Variants in TASP1 observed in about 807,000 individuals in gnomAD.
The protein encoded by TASP1 is threonine aspartase 1.
TASP1 carries 16 observed loss-of-function variants against 56.6 expected under a neutral mutation model. The observed-to-expected ratio is 0.28, with a 90% confidence interval of 0.19 to 0.43. The LOEUF (loss-of-function observed/expected upper bound fraction) is 0.43, where lower values mean the gene tolerates loss of function less well. Ranked by LOEUF, TASP1 falls within the 20% of genes least tolerant of loss-of-function variation. The pLI, the probability that TASP1 is intolerant of heterozygous loss-of-function variation, is 1.00. For missense variants in TASP1, 393 were observed against 511.6 expected, an observed-to-expected ratio of 0.77 and a Z score of 2.24; for synonymous variants, 179 against 184.2, an observed-to-expected ratio of 0.97 and a Z score of 0.23.
At chr20:13,528,644 G>T (rs944302207) in intron 9 of TASP1, 133 bp from the exon 10 acceptor site, 8 of 641,982 alleles carry the variant, frequency 1.2e-5, no homozygotes, top group African/African-American at 1.1e-4. Flanking sequence ...AATACCAGAT[G>T]TTGTATAAGA....
chr20:13,279,548 C>T, the TASP1 span: 1 of 1,332,836 alleles, frequency 7.5e-7, no homozygotes, highest in South Asian at 1.4e-5. Context: ...TCATTTCCCT[C>T]TGCCCTCTCA....
At chr20:13,122,135 C>T in the TASP1 span, among the ~76,000 whole-genome samples, 18 of 152,168 alleles carry the variant, frequency 1.2e-4, no homozygotes, top group Non-Finnish European at 2.4e-4. Flanking sequence ...CTCTAAAACC[C>T]GTCTGTTTTC....
chr20:13,156,821 C>T, the TASP1 span, among the ~76,000 whole-genome samples: 78 of 152,218 alleles, frequency 5.1e-4, no homozygotes, highest in African/African-American at 1.7e-3. Context: ...TTCAACTGAG[C>T]GCAAGGTTGA....
the TASP1 span, among the ~76,000 whole-genome samples, chr20:13,187,413 A>AT: frequency 6.6e-6 from 1 of 151,886 alleles, no homozygotes; most frequent in African/African-American, 2.4e-5. Flanking sequence ...AACAACAACA[A>AT]TTAAAAAAAA....
the TASP1 span, among the ~76,000 whole-genome samples, chr20:13,320,267 C>T: frequency 5.8e-3 from 889 of 152,282 alleles, 4 homozygotes; most frequent in African/African-American, 0.02. Flanking sequence ...AGCAAAAATA[C>T]TTCCTAAATT....
At chr20:13,179,894 T>G in the TASP1 span, among the ~76,000 whole-genome samples, 7 of 152,278 alleles carry the variant, frequency 4.6e-5, no homozygotes, top group South Asian at 1.5e-3. Flanking sequence ...TTCTGTAGGA[T>G]GAATCTGTTG....
Position 13,534,141 on chromosome 20 carries a change from C to T in TASP1, c.676G>A (p.Glu226Lys). 3 of 1,613,238 alleles carry T rather than the reference C, an allele frequency of 1.9e-6. No homozygotes were observed. The highest frequency in any genetic ancestry group is 2.5e-6 in the Non-Finnish European group (3 of 1,179,538). Residue 226 changes from glutamate to lysine, a missense_variant and splice_region_variant, in exon 9 of 14, where the codon GAA becomes AAA. By Grantham distance (56) the Glu-to-Lys change is moderately conservative. Transcript: ENST00000337743. ...GTGTCCAAAGTGCCTGAGTCATTTT[C>T]CTGCAGAGCAAAAGTGGCACAAGTA... ...LKKRRQSSEK[E>K]NDSGTLDTVG... is the part of the protein sequence containing the mutation.
the TASP1 span, among the ~76,000 whole-genome samples, chr20:13,114,311 A>G: frequency 6.6e-6 from 1 of 152,230 alleles, no homozygotes; most frequent in Admixed American, 6.5e-5. Context: ...ATTAAGTATC[A>G]TTTTAAAATC....
chr20:13,468,865 G>GGT (rs2044363899), intron 11 of TASP1, among the ~76,000 whole-genome samples: 1 of 142,676 alleles, frequency 7.0e-6, no homozygotes, highest in Non-Finnish European at 1.5e-5. Flanking sequence ...ATGTGTGTGT[G>GGT]TTTTTTTTTT....
At chr20:13,322,683 G>A in the TASP1 span, among the ~76,000 whole-genome samples, 6 of 152,194 alleles carry the variant, frequency 3.9e-5, no homozygotes, top group Non-Finnish European at 7.3e-5. Context: ...GAAGGAGACA[G>A]GATAAGGAAT....
chr20:13,529,447 C>T (rs112134936), intron 9 of TASP1, among the ~76,000 whole-genome samples: 1 of 151,996 alleles, frequency 6.6e-6, no homozygotes, highest in African/African-American at 2.4e-5. Flanking sequence ...GTGGCATGCT[C>T]AAGAGTTCAT....
intron 8 of TASP1, among the ~76,000 whole-genome samples, chr20:13,542,583 T>TCA (rs2146955068): frequency 6.6e-6 from 1 of 152,218 alleles, no homozygotes; most frequent in South Asian, 2.1e-4. Flanking sequence ...CACAAACTGA[T>TCA]CACACGTTAA....
the TASP1 span, among the ~76,000 whole-genome samples, chr20:13,170,378 A>G: frequency 6.6e-6 from 1 of 152,216 alleles, no homozygotes; most frequent in African/African-American, 2.4e-5. Context: ...TAAGGGAACA[A>G]GTGAAACCAG....
intron 11 of TASP1, among the ~76,000 whole-genome samples, chr20:13,466,229 C>T (rs944487087): frequency 6.6e-6 from 1 of 151,932 alleles, no homozygotes; most frequent in African/African-American, 2.4e-5. Context: ...GAAACCTGCA[C>T]TGAATATTCT....
chr20:13,192,895 T>A, the TASP1 span, among the ~76,000 whole-genome samples: 1 of 152,102 alleles, frequency 6.6e-6, no homozygotes, highest in Admixed American at 6.6e-5. Context: ...AACAATGTAT[T>A]GGAGTGATTA....
chr20:13,310,227 CAT>C, the TASP1 span, among the ~76,000 whole-genome samples: 1 of 152,086 alleles, frequency 6.6e-6, no homozygotes, highest in South Asian at 2.1e-4. Context: ...ATGATACTAA[CAT>C]ATAAATCAAT....
chr20:13,160,226 C>A, the TASP1 span: 5 of 1,417,252 alleles, frequency 3.5e-6, no homozygotes, highest in Non-Finnish European at 4.7e-6. Context: ...CTCTGGGTTT[C>A]TCTTGGGTTA....
chr20:13,430,560 A>G (rs1341740286), intron 12 of TASP1, among the ~76,000 whole-genome samples: 1 of 152,200 alleles, frequency 6.6e-6, no homozygotes, highest in Non-Finnish European at 1.5e-5. Context: ...ACCCAGAGGG[A>G]GTGATTCAAC....
intron 13 of TASP1, among the ~76,000 whole-genome samples, chr20:13,410,853 T>C (rs1425287039): frequency 6.6e-6 from 1 of 152,170 alleles, no homozygotes; most frequent in East Asian, 1.9e-4. Context: ...TTGTCTCTTT[T>C]GGGATTTTTT....
Sources: allele counts gnomAD v4.1 joint callset (sites outside exome capture counted in the v4.1 genomes callset), GRCh38; gene constraint gnomAD v4.1.1; transcripts MANE v1.5; gene names NCBI Gene and HGNC (gene_info 2026-07-23, HGNC 2026-07-21).